POU2F2: variants seen among roughly 807,000 people sequenced by gnomAD.
The protein encoded by POU2F2 is POU domain, class 2, transcription factor 2.
In POU2F2, 14 loss-of-function variants were observed where a neutral mutation model predicts 63.5. The ratio of observed to expected loss-of-function variants is 0.22; its 90% CI spans 0.15 to 0.34. The LOEUF is 0.34. Among genes scored for constraint, POU2F2 ranks in the 10% least tolerant of loss-of-function variants. The pLI, the probability that POU2F2 is intolerant of heterozygous loss-of-function variation, is 1.00. For missense variants in POU2F2, 607 were observed against 815.2 expected, an observed-to-expected ratio of 0.74 and a Z score of 3.11; for synonymous variants, 306 against 348.6, an observed-to-expected ratio of 0.88 and a Z score of 1.36.
At chr19:42,101,487 G>A (rs1045101284) in intron 5 of POU2F2, among the ~76,000 whole-genome samples, 7 of 152,162 alleles carry the variant, frequency 4.6e-5, no homozygotes, top group South Asian at 2.1e-4. Context: ...AGACAGCCAC[G>A]TGCAAGCCAA....
At position 42,146,348 on chromosome 19, in the gene POU2F2, C is replaced by T. The variant is rs1287943170; in HGVS notation, c.-9+13984G>A. ...CCCTGTCCCATTGGCTCAGCAGAAA[C>T]ACTGGCCTTGGACCTGGGCTTTGCT... On this transcript the variant is annotated intron_variant, in intron 2 of 6. Coordinates refer to the POU2F2 transcript ENST00000524801. Among the ~76,000 whole-genome samples the T allele has an allele frequency of 2.0e-5, 3 of 152,350 alleles. No individual in the cohort carries two copies. In the East Asian group the frequency reaches 5.8e-4, roughly 29 times the overall value.
At chr19:42,115,344 A>G (rs1485745612) in intron 5 of POU2F2, among the ~76,000 whole-genome samples, 1 of 152,168 alleles carries the variant, frequency 6.6e-6, no homozygotes, top group Non-Finnish European at 1.5e-5. Flanking sequence ...GTAACAAGGG[A>G]ACAGCCTTAC....
At position 42,122,532 on chromosome 19, in the gene POU2F2, C is replaced by T. The variant is rs149684085; in HGVS notation, c.73G>A (p.Asp25Asn). 3.2e-5 allele frequency: 52 copies of T among 1,607,144 alleles called. No homozygotes were observed. The Admixed American group carries it at 8.7e-4, about 27-fold the overall frequency. The change falls in exon 2 of 15, where the codon GAC becomes AAC. Residue 25 changes from aspartate (D) to asparagine (N), a missense_variant. Coordinates refer to ENST00000692977, the MANE Select transcript of POU2F2 (RefSeq NM_001394376.1). ...KPLEAEKQGL[D>N]SPSEHTDTER... is the part of the protein sequence containing the mutation. ...CCACCTGTGTGCTCTGATGGGGAGT[C>T]CAGACCTTGCTTCTCGGCCTCCAGG...
At chr19:42,151,298 G>A (rs2034345018) in intron 2 of POU2F2, among the ~76,000 whole-genome samples, 1 of 151,878 alleles carries the variant, frequency 6.6e-6, no homozygotes, top group Non-Finnish European at 1.5e-5. Context: ...CTGTGGGGAT[G>A]GCCATGGGCA....
chr19:42,184,935 G>A (rs1482806240), intron 1 of POU2F2, among the ~76,000 whole-genome samples: 6 of 152,010 alleles, frequency 3.9e-5, no homozygotes, highest in Non-Finnish European at 8.8e-5. Context: ...AAATCAACAT[G>A]TCTAATCTAA....
chr19:42,158,600 C>T (rs1363409427), intron 2 of POU2F2, among the ~76,000 whole-genome samples: 1 of 152,224 alleles, frequency 6.6e-6, no homozygotes, highest in African/African-American at 2.4e-5. Context: ...CAGGCCCTTG[C>T]ACAAAGGTGG....
At chr19:42,195,103 G>GAGGGAGGGAGGAAGGA (rs2035125121) in intron 1 of POU2F2, among the ~76,000 whole-genome samples, 1 of 61,442 alleles carries the variant, frequency 1.6e-5, no homozygotes, top group African/African-American at 6.4e-5. Context: ...GGAAGGAAGG[G>GAGGGAGGGAGGAAGGA]AGGGAGGGAG....
chr19:42,099,385 T>C, intron 7 of POU2F2, 142 bp downstream of exon 7: 1 of 732,194 alleles, frequency 1.4e-6, no homozygotes, highest in Admixed American at 2.3e-5. Flanking sequence ...TGGGCTTGCC[T>C]GAGGTCTCAC....
chr19:42,157,838 G>A (rs1370339744), intron 2 of POU2F2, among the ~76,000 whole-genome samples: 1 of 152,144 alleles, frequency 6.6e-6, no homozygotes, highest in African/African-American at 2.4e-5. Flanking sequence ...GTGGGTGGGA[G>A]GAGATTTGGA....
rs906359129 is a variant in POU2F2, at chr19:42,169,338, G to A, written c.-70+6625C>T. On this transcript the variant is annotated intron_variant, in intron 1 of 6. Coordinates refer to the POU2F2 transcript ENST00000524801. The surrounding 1 kb of genome is among the most constrained non-coding windows in gnomAD (Gnocchi z 4.3). ...TCTATTGAAAAACAAATCTCCACAC[G>A]AGGAGCACCCTGGTGTTTTGGTGTC... 5.9e-5 allele frequency among the ~76,000 whole-genome samples: 9 copies of A among 152,172 alleles called. No individual in the cohort carries two copies. The highest frequency in any genetic ancestry group is 2.1e-4 in the South Asian group (1 of 4,828).
chr19:42,105,999 T>TCTTCTTTCTTTCTTTC (rs1487918924), intron 5 of POU2F2, among the ~76,000 whole-genome samples: 2 of 132,224 alleles, frequency 1.5e-5, no homozygotes, highest in Non-Finnish European at 3.2e-5. Context: ...GATCTTTCTT[T>TCTTCTTTCTTTCTTTC]TTTCTTTCTT....
intron 1 of POU2F2, among the ~76,000 whole-genome samples, chr19:42,126,029 C>G (rs1215876452): frequency 6.6e-6 from 1 of 152,178 alleles, no homozygotes; most frequent in Admixed American, 6.5e-5. Flanking sequence ...AATTCATACA[C>G]GGAAGTCCTA....
chr19:42,186,219 G>C (rs2035011513), intron 1 of POU2F2, among the ~76,000 whole-genome samples: 1 of 152,212 alleles, frequency 6.6e-6, no homozygotes, highest in Admixed American at 6.5e-5. Flanking sequence ...CAGCTACTTG[G>C]GAGGCTGAAG....
chr19:42,140,035 A>C (rs1450071126), intron 2 of POU2F2, among the ~76,000 whole-genome samples: 1 of 152,204 alleles, frequency 6.6e-6, no homozygotes, highest in Admixed American at 6.5e-5. Flanking sequence ...TGTTGAGCTC[A>C]CTGCTCCTCA....
At chr19:42,165,607 T>C (rs1314825554) in intron 1 of POU2F2, among the ~76,000 whole-genome samples, 1 of 152,094 alleles carries the variant, frequency 6.6e-6, no homozygotes, top group Admixed American at 6.5e-5. Flanking sequence ...TGGGTAAACA[T>C]GGGGTCGGCC....
In POU2F2 at chr19:42,117,531, T is replaced by G. The variant is rs1317011233; in HGVS notation, c.187-99A>C. The G allele has an allele frequency of 8.5e-6, 5 of 587,238 alleles. No individual in the cohort carries two copies. The highest frequency in any genetic ancestry group is 7.8e-5 in the African/African-American group (4 of 50,964). 36.4% of individuals were successfully genotyped at this position (587,238 alleles called of 1,614,324 possible). On this transcript the variant is annotated intron_variant, in intron 4 of 14. Coordinates refer to ENST00000692977, the MANE Select transcript of POU2F2 (RefSeq NM_001394376.1). This position sits in a 1 kb window ranked among gnomAD's most constrained non-coding sequence, Gnocchi z 4.4. ...GACATGAGGGTGCAGTCTGTGGTCCTGCACTGACCGCTGGGAGCTTCAAAC... is the reference window on the plus strand; with the variant it reads ...GACATGAGGGTGCAGTCTGTGGTCCGGCACTGACCGCTGGGAGCTTCAAAC...
At chr19:42,179,707 T>A (rs1306455589), upstream of POU2F2, among the ~76,000 whole-genome samples, 3 of 151,938 alleles carry the variant, frequency 2.0e-5, no homozygotes, top group Non-Finnish European at 4.4e-5. Context: ...TGCCCACGTG[T>A]ATGGAGAACG....
intron 2 of POU2F2, among the ~76,000 whole-genome samples, chr19:42,151,057 C>T (rs141244775): frequency 2.0e-5 from 3 of 152,244 alleles, no homozygotes; most frequent in Admixed American, 6.5e-5. Context: ...TCCCCTCCCC[C>T]CTACCTGGCC....
At chr19:42,130,144 C>G (rs1255835099) in intron 1 of POU2F2, among the ~76,000 whole-genome samples, 4 of 152,230 alleles carry the variant, frequency 2.6e-5, no homozygotes, top group Admixed American at 2.6e-4. Flanking sequence ...CACCCGGAGT[C>G]GAACACAGAC....
Sources: allele counts gnomAD v4.1 joint callset (sites outside exome capture counted in the v4.1 genomes callset), GRCh38; gene constraint gnomAD v4.1.1; non-coding constraint Gnocchi (gnomAD v3.1); transcripts MANE v1.5; gene names NCBI Gene and HGNC (gene_info 2026-07-23, HGNC 2026-07-21).